Variants in RAD51B observed in about 807,000 individuals in gnomAD.
RAD51B encodes the protein DNA repair protein RAD51 homolog 2.
Under a neutral mutation model 42.2 loss-of-function variants are expected in RAD51B, and 38 were observed. That is an observed-to-expected ratio of 0.90 (90% confidence interval 0.70 to 1.18). The LOEUF is 1.18. RAD51B is among the 50% of genes most tolerant of loss of function. The probability of loss-of-function intolerance (pLI) is 0.00; values close to 1 mark genes in which losing one functional copy is unlikely to be tolerated. For synonymous variants in RAD51B, 154 were observed against 145.2 expected (o/e 1.06, Z -0.43); for missense variants, 373 against 400.7 (o/e 0.93, Z 0.59).
chr14:68,330,936 T>C (rs1050932486), intron 8 of RAD51B, among the ~76,000 whole-genome samples: 1 of 152,160 alleles, frequency 6.6e-6, no homozygotes. Flanking sequence ...GTATGTGGCA[T>C]ATTTCCTACT....
At chr14:68,008,281 T>G (rs1363236009) in intron 7 of RAD51B, among the ~76,000 whole-genome samples, 2 of 151,930 alleles carry the variant, frequency 1.3e-5, no homozygotes, top group African/African-American at 4.8e-5. Flanking sequence ...TTGTTAAAAT[T>G]TATATTTTAA....
intron 7 of RAD51B, among the ~76,000 whole-genome samples, chr14:68,251,152 A>G (rs1224754214): frequency 2.6e-5 from 4 of 152,168 alleles, no homozygotes; most frequent in Non-Finnish European, 5.9e-5. Flanking sequence ...ATCCAGGGGA[A>G]AAAAAGAAGT....
At chr14:68,314,792 G>A (rs952788328) in intron 8 of RAD51B, among the ~76,000 whole-genome samples, 4 of 152,218 alleles carry the variant, frequency 2.6e-5, no homozygotes, top group African/African-American at 9.6e-5. Context: ...CCTGTAGAGC[G>A]TGCGACCAAT....
At chr14:68,385,016 A>C (rs1325147501) in intron 8 of RAD51B, among the ~76,000 whole-genome samples, 2 of 152,204 alleles carry the variant, frequency 1.3e-5, no homozygotes, top group Non-Finnish European at 2.9e-5. Context: ...AGCTTGTGGA[A>C]GTGCATTGCA....
At chr14:68,010,079 C>G (rs1388934965) in intron 7 of RAD51B, among the ~76,000 whole-genome samples, 1 of 151,868 alleles carries the variant, frequency 6.6e-6, no homozygotes, top group Non-Finnish European at 1.5e-5. Flanking sequence ...TCAACCTGCA[C>G]AAAACATCTA....
At chr14:68,247,447 A>T (rs2080523168) in intron 7 of RAD51B, among the ~76,000 whole-genome samples, 1 of 152,218 alleles carries the variant, frequency 6.6e-6, no homozygotes, top group Non-Finnish European at 1.5e-5. Context: ...GAAATTGCTT[A>T]AAGTTACATA....
chr14:67,877,496 A>G (rs934854632), intron 5 of RAD51B, among the ~76,000 whole-genome samples: 12 of 152,008 alleles, frequency 7.9e-5, no homozygotes, highest in Admixed American at 2.0e-4. Context: ...CTTTCTGTCT[A>G]TGAATCTATC....
At chr14:68,610,889 T>C in intron 10 of RAD51B, 1 of 516,512 alleles carries the variant, frequency 1.9e-6, no homozygotes, top group Non-Finnish European at 3.4e-6. Flanking sequence ...GTGTGTGTCA[T>C]CTCCCTAGTT....
intron 7 of RAD51B, among the ~76,000 whole-genome samples, chr14:68,119,992 C>A (rs2077619485): frequency 6.6e-6 from 1 of 152,038 alleles, no homozygotes; most frequent in African/African-American, 2.4e-5. Context: ...TGTTTCCTGA[C>A]TTTTTAATGA....
At chr14:67,963,702 T>C (rs1380277055) in intron 7 of RAD51B, among the ~76,000 whole-genome samples, 1 of 152,116 alleles carries the variant, frequency 6.6e-6, no homozygotes, top group Non-Finnish European at 1.5e-5. Context: ...ATGAAATCCT[T>C]CCAAGAAATA....
chr14:68,227,928 TTAG>T (rs922670137), intron 7 of RAD51B, among the ~76,000 whole-genome samples: 7 of 152,194 alleles, frequency 4.6e-5, no homozygotes, highest in African/African-American at 1.7e-4. Flanking sequence ...TTAATTATTA[TTAG>T]TAGTAATAAT....
chr14:67,863,272 C>T (rs184478899), intron 4 of RAD51B, among the ~76,000 whole-genome samples: 262 of 146,854 alleles, frequency 1.8e-3, no homozygotes, highest in African/African-American at 6.4e-3. Context: ...GTGTGCTAAA[C>T]ATTTGTGTTT....
intron 8 of RAD51B, among the ~76,000 whole-genome samples, chr14:68,367,611 A>G (rs1281811672): frequency 6.6e-6 from 1 of 152,208 alleles, no homozygotes; most frequent in African/African-American, 2.4e-5. Flanking sequence ...AGGAGACTAG[A>G]GGAGATAACG....
intron 8 of RAD51B, among the ~76,000 whole-genome samples, chr14:68,372,175 G>A (rs1164640633): frequency 6.6e-6 from 1 of 152,128 alleles, no homozygotes; most frequent in Non-Finnish European, 1.5e-5. Context: ...ATTGACCCTT[G>A]GATTTGGCAG....
At chr14:68,485,294 C>A (rs1883536916) in intron 10 of RAD51B, among the ~76,000 whole-genome samples, 1 of 152,178 alleles carries the variant, frequency 6.6e-6, no homozygotes, top group East Asian at 1.9e-4. Flanking sequence ...CACCTCCAGC[C>A]CCTGACTCCA....
At chr14:68,598,019 A>G (rs1364403308), downstream of RAD51B, among the ~76,000 whole-genome samples, 1 of 152,208 alleles carries the variant, frequency 6.6e-6, no homozygotes, top group African/African-American at 2.4e-5. Flanking sequence ...AGCTTAGAAA[A>G]ATAGACGGCC....
rs577493284 is a variant in RAD51B, at chr14:68,050,884, C to CT, written c.756+163689dup. On this transcript the variant is annotated intron_variant, in intron 7 of 10. Transcript: ENST00000471583. ...TTATATACAGTTATTTGGATCTTGC[C>CT]TTTTTTTTTATTTATTTATAATTAT... Among the ~76,000 whole-genome samples, 194 of 150,308 alleles carry CT rather than the reference C, an allele frequency of 1.3e-3. 2 individuals carry two copies. The highest frequency in any genetic ancestry group is 8.3e-4 in the Non-Finnish European group (56 of 67,518).
chr14:67,921,314 C>T (rs1288946555), intron 7 of RAD51B, among the ~76,000 whole-genome samples: 1 of 152,074 alleles, frequency 6.6e-6, no homozygotes. Context: ...CTCAAGTGAT[C>T]CTCCTGCCTC....
At chr14:68,607,569 G>A (rs1891499447) in intron 10 of RAD51B, among the ~76,000 whole-genome samples, 1 of 152,174 alleles carries the variant, frequency 6.6e-6, no homozygotes, top group Non-Finnish European at 1.5e-5. Flanking sequence ...AGCTTCTGCC[G>A]AGCTTAAGTG....
Sources: allele counts gnomAD v4.1 joint callset (sites outside exome capture counted in the v4.1 genomes callset), GRCh38; gene constraint gnomAD v4.1.1; transcripts MANE v1.5; gene names NCBI Gene and HGNC (gene_info 2026-07-23, HGNC 2026-07-21).